The following DDB1 variants were observed in gnomAD, a reference collection of about 807,000 sequenced individuals.
The protein encoded by DDB1 is DNA damage-binding protein 1.
A neutral mutation model predicts 133.1 loss-of-function variants in DDB1; 18 were observed. The ratio of observed to expected loss-of-function variants is 0.14; its 90% CI spans 0.09 to 0.20. DDB1 has a LOEUF of 0.20. DDB1 is among the 10% of genes least tolerant of loss of function. The pLI, the probability that DDB1 is intolerant of heterozygous loss-of-function variation, is 1.00. For synonymous variants in DDB1, 580 were observed against 550.5 expected, an observed-to-expected ratio of 1.05 and a Z score of -0.75; for missense variants, 828 against 1,459.2, an observed-to-expected ratio of 0.57 and a Z score of 7.05.
At chr11:61,326,728 G>C (rs746394767) in intron 5 of DDB1, 51 bp downstream of exon 5, 1 of 1,460,658 alleles carries the variant, frequency 6.8e-7, no homozygotes, top group African/African-American at 1.4e-5. Flanking sequence ...ACAAGAACAG[G>C]GAACTAGCCT....
At chr11:61,317,852 C>T (rs1167880315) in intron 10 of DDB1, among the ~76,000 whole-genome samples, 1 of 152,124 alleles carries the variant, frequency 6.6e-6, no homozygotes, top group East Asian at 1.9e-4. Flanking sequence ...TCCCATACCT[C>T]CCTCCAACCC....
intron 21 of DDB1, among the ~76,000 whole-genome samples, chr11:61,305,072 T>A (rs530486968): frequency 6.6e-6 from 1 of 152,134 alleles, no homozygotes; most frequent in Non-Finnish European, 1.5e-5. Context: ...CCCTGGCAGA[T>A]CCTTCAGGAT....
chr11:61,307,553 C>T (rs529958093), intron 21 of DDB1, among the ~76,000 whole-genome samples: 1 of 152,292 alleles, frequency 6.6e-6, no homozygotes, highest in South Asian at 2.1e-4. Context: ...TGCTGGACAG[C>T]TCCTAGGGCT....
intron 18 of DDB1, 155 bp from the exon 19 acceptor site, chr11:61,310,573 G>A (rs1276574802): frequency 1.3e-6 from 1 of 760,592 alleles, no homozygotes; most frequent in Non-Finnish European, 2.0e-6. Flanking sequence ...GAGTGTTTCA[G>A]AGGAGGCATG....
intron 6 of DDB1, among the ~76,000 whole-genome samples, chr11:61,325,196 C>A (rs1314838376): frequency 6.6e-6 from 1 of 151,836 alleles, no homozygotes; most frequent in Non-Finnish European, 1.5e-5. Context: ...AAAGTTGCCC[C>A]ATGTGGTAGT....
At position 61,316,515 on chromosome 11, in the gene DDB1, C is replaced by A; in HGVS notation, c.1278G>T (p.Val426=). ...ACCTTGTCTGGCCCACAAAAGAGAG[C>A]ACCAAAGTGTCATCAGTCTCACGAT... is the stretch of plus-strand genomic sequence containing the variant. The part of the protein sequence containing the change: ...DPNRETDDTL[V]LSFVGQTRVL... Residue 426 remains valine, a synonymous_variant, in exon 11 of 27, where the codon GTG becomes GTT. Transcript: ENST00000301764. 1 of 1,614,142 alleles carries A rather than the reference C, an allele frequency of 6.2e-7. No individual in the cohort carries two copies. Among genetic ancestry groups the A allele is most frequent in the Non-Finnish European group, 8.5e-7 (1 of 1,180,022 alleles).
intron 9 of DDB1, chr11:61,321,997 T>C: frequency 1.9e-6 from 1 of 536,924 alleles, no homozygotes. Context: ...TGCCACTTAT[T>C]AAGTTAGGTG....
intron 16 of DDB1, among the ~76,000 whole-genome samples, 157 bp downstream of exon 16, chr11:61,313,341 GT>G (rs1386843902): frequency 5.3e-5 from 8 of 152,126 alleles, no homozygotes; most frequent in Non-Finnish European, 7.4e-5. Context: ...CTTCCCAAGT[GT>G]TTCTATTGGG....
intron 16 of DDB1, among the ~76,000 whole-genome samples, chr11:61,312,506 C>CTTTTTTT (rs954501705): frequency 1.7e-5 from 2 of 120,076 alleles, no homozygotes; most frequent in Non-Finnish European, 1.7e-5. Flanking sequence ...CTCTCTCTCT[C>CTTTTTTT]TTTTTTTTTT....
At chr11:61,315,119 T>C (rs1219688905) in intron 12 of DDB1, 1 of 152,014 alleles carries the variant, frequency 6.6e-6, no homozygotes, top group Non-Finnish European at 1.5e-5. Flanking sequence ...TGAGCCACCA[T>C]GTTGACTGTG....
chr11:61,327,338 G>A (rs1003797917), intron 4 of DDB1, among the ~76,000 whole-genome samples: 3 of 151,958 alleles, frequency 2.0e-5, no homozygotes, highest in Non-Finnish European at 4.4e-5. Flanking sequence ...GCATGGGGGC[G>A]CGTGCCTACA....
In DDB1 at chr11:61,321,716, T is replaced by C; in HGVS notation, c.1123-19A>G. 1 of 1,611,456 alleles carries C rather than the reference T, an allele frequency of 6.2e-7. No homozygotes were observed. The highest frequency in any genetic ancestry group is 1.1e-5 in the South Asian group (1 of 91,028). On this transcript the variant is annotated intron_variant, in intron 9 of 26. Coordinates refer to ENST00000301764, the MANE Select transcript of DDB1 (RefSeq NM_001923.5). ...TGACCAGCTGCAAGCAGAGAAAACG[T>C]TTCTAAAGAACCCCCTCAAGATACT...
At chr11:61,317,916 G>T (rs1268355556) in intron 10 of DDB1, among the ~76,000 whole-genome samples, 1 of 152,110 alleles carries the variant, frequency 6.6e-6, no homozygotes, top group East Asian at 1.9e-4. Context: ...CTGGTAAAGA[G>T]ATGGGGTGTG....
chr11:61,322,815 C>A, intron 8 of DDB1, 196 bp downstream of exon 8: 1 of 587,820 alleles, frequency 1.7e-6, no homozygotes. Flanking sequence ...TAGCACCTTG[C>A]CTGGCAAATT....
Position 61,331,536 on chromosome 11 carries a change from C to T in DDB1, c.210+7G>A, listed in dbSNP as rs1181403062. 1.2e-6 allele frequency: 2 copies of T among 1,613,326 alleles called. No homozygotes were observed. Among genetic ancestry groups the T allele is most frequent in the Non-Finnish European group, 1.7e-6 (2 of 1,179,320 alleles). On this transcript the variant is annotated splice_region_variant and intron_variant, in intron 2 of 26. Coordinates refer to ENST00000301764, the MANE Select transcript of DDB1 (RefSeq NM_001923.5). ...CCTCCACTGCTTGTCCCAACTGCAA[C>T]ACTTACCTTGGGCCTGAAAAGCTCC...
At chr11:61,325,992 C>T in intron 5 of DDB1, 1 of 494,290 alleles carries the variant, frequency 2.0e-6, no homozygotes, top group Non-Finnish European at 3.7e-6. Context: ...CATTCTCCCC[C>T]ATTTTTCTTC....
Position 61,300,093 on chromosome 11 carries a change from AAAG to A in DDB1, c.*40_*42del, listed in dbSNP as rs1345761314. On this transcript the variant is annotated 3_prime_UTR_variant, in exon 27 of 27. Coordinates refer to ENST00000301764, the MANE Select transcript of DDB1 (RefSeq NM_001923.5). ...GAGAGGAGGGGGAGGGCAGCAGGGC[AAAG>A]CCTTTGGGGAGGGTCAGCAAAGGGG... is the stretch of plus-strand genomic sequence containing the variant. 1 of 1,603,246 alleles carries A rather than the reference AAAG, an allele frequency of 6.2e-7. No individual in the cohort carries two copies.
At chr11:61,310,605 A>T in intron 18 of DDB1, 187 bp from the exon 19 acceptor site, 1 of 559,826 alleles carries the variant, frequency 1.8e-6, no homozygotes, top group East Asian at 3.2e-5. Context: ...TCAATCCCAA[A>T]CAGTAAAAAT....
chr11:61,301,095 A>T, intron 25 of DDB1, 163 bp from the exon 26 acceptor site: 1 of 969,346 alleles, frequency 1.0e-6, no homozygotes, highest in Non-Finnish European at 1.5e-6. Context: ...ATTGAAAAAA[A>T]TGTAAAAATA....
Sources: allele counts gnomAD v4.1 joint callset (sites outside exome capture counted in the v4.1 genomes callset), GRCh38; gene constraint gnomAD v4.1.1; transcripts MANE v1.5; gene names NCBI Gene and HGNC (gene_info 2026-07-23, HGNC 2026-07-21).